The following BLTP1 variants were observed in gnomAD, a reference collection of about 807,000 sequenced individuals.
BLTP1 encodes bridge-like lipid transfer protein family member 1, also known as fragile site-associated protein.
the BLTP1 span, chr4:122,348,620 C>T: frequency 6.2e-7 from 1 of 1,610,604 alleles, no homozygotes; most frequent in Non-Finnish European, 8.5e-7. Context: ...AGCAGCAAGC[C>T]AACAAGGGAC....
At chr4:122,249,294 A>G in the BLTP1 span, 1 of 645,494 alleles carries the variant, frequency 1.5e-6, no homozygotes, top group East Asian at 1.4e-4. Context: ...TGTTAATCAT[A>G]AAATCTTCTT....
chr4:122,208,686 A>T, the BLTP1 span: 1 of 977,998 alleles, frequency 1.0e-6, no homozygotes, highest in Non-Finnish European at 1.2e-6. Context: ...GTTGTTTTTC[A>T]ATTCAAATTT....
chr4:122,334,227 T>G, the BLTP1 span: 1 of 1,003,754 alleles, frequency 1.0e-6, no homozygotes, highest in Non-Finnish European at 1.4e-6. Flanking sequence ...AAGCTAACTT[T>G]TAAAAGTTAA....
chr4:122,253,197 G>T, the BLTP1 span, among the ~76,000 whole-genome samples: 1 of 152,068 alleles, frequency 6.6e-6, no homozygotes, highest in African/African-American at 2.4e-5. Flanking sequence ...GTACAAACAA[G>T]CCCAGAGTGT....
the BLTP1 span, chr4:122,298,341 C>A: frequency 2.5e-6 from 1 of 405,542 alleles, no homozygotes; most frequent in Non-Finnish European, 3.3e-6. Flanking sequence ...TAAGAACTCT[C>A]TTAGCTTAAT....
chr4:122,346,096 G>A, the BLTP1 span: 257 of 669,386 alleles, frequency 3.8e-4, 3 homozygotes, highest in African/African-American at 4.6e-3. Flanking sequence ...TCATTGGCAT[G>A]TAAACCCTAT....
At chr4:122,345,356 C>A in the BLTP1 span, among the ~76,000 whole-genome samples, 1 of 151,892 alleles carries the variant, frequency 6.6e-6, no homozygotes, top group Non-Finnish European at 1.5e-5. Flanking sequence ...TTATTTGGCC[C>A]ACATTTTGAA....
chr4:122,258,908 C>A, the BLTP1 span: 1 of 993,884 alleles, frequency 1.0e-6, no homozygotes, highest in Non-Finnish European at 1.5e-6. Context: ...AATTTTATCT[C>A]AAATTTAAAT....
the BLTP1 span, chr4:122,206,104 AT>A: frequency 3.4e-5 from 33 of 966,048 alleles, no homozygotes; most frequent in Non-Finnish European, 3.9e-5. Flanking sequence ...CAGTTTAAAC[AT>A]ACAGTGAATT....
chr4:122,268,436 T>C, the BLTP1 span, among the ~76,000 whole-genome samples: 1 of 152,162 alleles, frequency 6.6e-6, no homozygotes, highest in African/African-American at 2.4e-5. Flanking sequence ...GAAATAATCT[T>C]TGATTCCCTT....
chr4:122,286,097 A>G, the BLTP1 span, among the ~76,000 whole-genome samples: 3 of 152,158 alleles, frequency 2.0e-5, no homozygotes, highest in Non-Finnish European at 4.4e-5. Flanking sequence ...TGATTTGGCA[A>G]TTTTAGCTAC....
the BLTP1 span, among the ~76,000 whole-genome samples, chr4:122,302,557 G>A: frequency 4.6e-5 from 7 of 152,170 alleles, no homozygotes; most frequent in South Asian, 4.1e-4. Context: ...AAACTAAATC[G>A]TTAAATGTTG....
chr4:122,340,915 C>A, the BLTP1 span: 4 of 785,458 alleles, frequency 5.1e-6, no homozygotes, highest in Non-Finnish European at 6.2e-6. Context: ...AACACTACAA[C>A]ATTTCTGTAG....
At chr4:122,239,639 A>G in the BLTP1 span, 1 of 1,614,092 alleles carries the variant, frequency 6.2e-7, no homozygotes, top group Non-Finnish European at 8.5e-7. Context: ...CCCGTCTTGG[A>G]AGTACTAAGA....
the BLTP1 span, among the ~76,000 whole-genome samples, chr4:122,330,436 T>C: frequency 6.6e-6 from 1 of 151,486 alleles, no homozygotes; most frequent in Non-Finnish European, 1.5e-5. Flanking sequence ...AGGTATGAAG[T>C]CATATTTCAT....
chr4:122,303,645 C>T, the BLTP1 span, among the ~76,000 whole-genome samples: 29 of 152,070 alleles, frequency 1.9e-4, no homozygotes, highest in African/African-American at 6.8e-4. Flanking sequence ...GGTTCCAACT[C>T]TCATGGATTA....
At chr4:122,222,334 G>A in the BLTP1 span, among the ~76,000 whole-genome samples, 1 of 152,146 alleles carries the variant, frequency 6.6e-6, no homozygotes, top group Non-Finnish European at 1.5e-5. Context: ...ATCCTGGGTA[G>A]CATCAGTCTC....
the BLTP1 span, chr4:122,174,875 A>C: frequency 1.1e-5 from 3 of 276,250 alleles, no homozygotes; most frequent in African/African-American, 6.9e-5. Flanking sequence ...GAAATGAATA[A>C]TCTTTCATTT....
chr4:122,245,288 G>T, the BLTP1 span: 2 of 603,254 alleles, frequency 3.3e-6, no homozygotes, highest in Non-Finnish European at 5.7e-6. Flanking sequence ...CTCTGTAAAA[G>T]ATAGGACATA....
Sources: allele counts gnomAD v4.1 joint callset (sites outside exome capture counted in the v4.1 genomes callset), GRCh38; gene constraint gnomAD v4.1.1; transcripts MANE v1.5; gene names NCBI Gene and HGNC (gene_info 2026-07-23, HGNC 2026-07-21).